MTHFS: variants seen among roughly 807,000 people sequenced by gnomAD.
MTHFS encodes methenyltetrahydrofolate synthetase.
In MTHFS, 7 loss-of-function variants were observed where a neutral mutation model predicts 12.7. The ratio of observed to expected loss-of-function variants is 0.55; its 90% CI spans 0.31 to 1.03. The LOEUF (loss-of-function observed/expected upper bound fraction) is 1.03. Ranked by LOEUF, MTHFS falls within the 50% of genes least tolerant of loss-of-function variation. The pLI is 0.05. For synonymous variants in MTHFS, 100 were observed against 97.1 expected, an observed-to-expected ratio of 1.03 and a Z score of -0.18; for missense variants, 252 against 258.1, an observed-to-expected ratio of 0.98 and a Z score of 0.16.
intron 1 of MTHFS, among the ~76,000 whole-genome samples, chr15:79,890,710 A>C (rs2034459658): frequency 6.6e-6 from 1 of 152,254 alleles, no homozygotes; most frequent in African/African-American, 2.4e-5. Context: ...AAGTCAGGTT[A>C]TCACTAATAA....
chr15:79,861,057 T>C (rs1290465363), intron 2 of MTHFS, among the ~76,000 whole-genome samples: 1 of 152,228 alleles, frequency 6.6e-6, no homozygotes, highest in East Asian at 1.9e-4. Flanking sequence ...GGAATAGTCA[T>C]CGTCGTCATC....
intron 2 of MTHFS, among the ~76,000 whole-genome samples, chr15:79,859,572 C>T (rs2033872220): frequency 1.3e-5 from 2 of 152,210 alleles, no homozygotes; most frequent in Admixed American, 1.3e-4. Flanking sequence ...AACCCCAGCA[C>T]TTTGGGAGGC....
intron 2 of MTHFS, among the ~76,000 whole-genome samples, chr15:79,872,193 T>C (rs553064429): frequency 1.3e-5 from 2 of 151,988 alleles, no homozygotes; most frequent in African/African-American, 4.8e-5. Context: ...AATCCTGCAG[T>C]TCAATCAAAA....
At chr15:79,847,102 G>C (rs2033632410) in intron 2 of MTHFS, among the ~76,000 whole-genome samples, 1 of 152,222 alleles carries the variant, frequency 6.6e-6, no homozygotes, top group African/African-American at 2.4e-5. Context: ...ACGCTGGGTG[G>C]TCAGGGAAGA....
intron 2 of MTHFS, among the ~76,000 whole-genome samples, chr15:79,850,331 C>CA (rs1215433850): frequency 1.3e-5 from 2 of 151,804 alleles, no homozygotes; most frequent in African/African-American, 2.4e-5. Flanking sequence ...TCAGCAGAGC[C>CA]AAAAAAAGAG....
At chr15:79,881,591 A>T (rs2034295661) in intron 2 of MTHFS, among the ~76,000 whole-genome samples, 2 of 152,034 alleles carry the variant, frequency 1.3e-5, no homozygotes, top group Admixed American at 6.6e-5. Context: ...AAAAAAAAAA[A>T]GCTTAACTTT....
chr15:79,895,017 AC>A lies in MTHFS; in HGVS notation c.117+1854del, dbSNP rs1238938157. On this transcript the variant is annotated intron_variant, in intron 1 of 2. Coordinates refer to ENST00000258874, the MANE Select transcript of MTHFS (RefSeq NM_006441.4). Reference sequence around the variant, plus strand: ...ATACTCTTCCTAAAGGACATAACAAACAATAGGTAAAGCTCTGAATACATCC... The same window carrying A: ...ATACTCTTCCTAAAGGACATAACAAAAATAGGTAAAGCTCTGAATACATCC... Among the ~76,000 whole-genome samples, 3 of 152,180 alleles carry A rather than the reference AC, an allele frequency of 2.0e-5. No homozygotes were observed. The East Asian group carries it at 5.8e-4, about 29-fold the overall frequency.
chr15:79,859,437 T>A (rs1466984722), intron 2 of MTHFS, among the ~76,000 whole-genome samples: 1 of 152,198 alleles, frequency 6.6e-6, no homozygotes, highest in African/African-American at 2.4e-5. Flanking sequence ...CACCCAAACA[T>A]ATATAAGAAT....
At chr15:79,847,906 G>T (rs1381905051) in intron 2 of MTHFS, among the ~76,000 whole-genome samples, 1 of 152,170 alleles carries the variant, frequency 6.6e-6, no homozygotes, top group East Asian at 1.9e-4. Context: ...GCTGGTGGGG[G>T]TGTAAAATAA....
At chr15:79,892,399 C>T (rs1009831604) in intron 1 of MTHFS, among the ~76,000 whole-genome samples, 3 of 152,012 alleles carry the variant, frequency 2.0e-5, no homozygotes, top group South Asian at 2.1e-4. Context: ...AAGATAAACA[C>T]ATATTCTTGA....
At chr15:79,847,681 A>G (rs1172832628) in intron 2 of MTHFS, among the ~76,000 whole-genome samples, 1 of 151,974 alleles carries the variant, frequency 6.6e-6, no homozygotes, top group East Asian at 1.9e-4. Flanking sequence ...AAAAAAAAAA[A>G]AAAAAAAAAG....
intron 2 of MTHFS, among the ~76,000 whole-genome samples, chr15:79,853,871 A>T (rs934861629): frequency 1.3e-5 from 2 of 152,252 alleles, no homozygotes; most frequent in Non-Finnish European, 2.9e-5. Context: ...TCTGTTTACA[A>T]ACCAAGAAAA....
chr15:79,890,257 G>A (rs1485913280), intron 1 of MTHFS, among the ~76,000 whole-genome samples: 4 of 113,874 alleles, frequency 3.5e-5, no homozygotes. Flanking sequence ...TCCCTCTGTT[G>A]CCCAGGCTGG....
chr15:79,896,757 GT>G (rs1460934263), intron 1 of MTHFS, 114 bp downstream of exon 1: 2 of 1,446,732 alleles, frequency 1.4e-6, no homozygotes, highest in Non-Finnish European at 9.1e-7. Context: ...GCGCCGGGGG[GT>G]GGGGGGGCGC....
Position 79,889,120 on chromosome 15 carries a change from C to T in MTHFS, c.352G>A (p.Asp118Asn). The T allele has an allele frequency of 6.2e-7, 1 of 1,614,206 alleles. No individual in the cohort carries two copies. Among genetic ancestry groups the T allele is most frequent in the East Asian group, 2.2e-5 (1 of 44,882 alleles). The change falls in exon 2 of 3, where the codon GAT becomes AAT. Residue 118 changes from aspartate (D) to asparagine (N), a missense_variant. Coordinates refer to ENST00000258874, the MANE Select transcript of MTHFS (RefSeq NM_006441.4). The stretch of plus-strand genomic sequence containing the variant: ...GTGGACAAGGCCTCCTCCCGAACAT[C>T]ACCCTCACCAGGCTGAGGGATATTC... ...SWNIPQPGEG[D>N]VREEALSTGG... is the part of the protein sequence containing the mutation.
intron 2 of MTHFS, among the ~76,000 whole-genome samples, chr15:79,874,083 A>C (rs780491174): frequency 3.3e-5 from 5 of 152,238 alleles, no homozygotes; most frequent in Non-Finnish European, 5.9e-5. Flanking sequence ...GTGGAGCTTC[A>C]TGCATTCCAG....
chr15:79,868,493 G>A (rs957053823), intron 2 of MTHFS, among the ~76,000 whole-genome samples: 2 of 152,160 alleles, frequency 1.3e-5, no homozygotes, highest in Non-Finnish European at 1.5e-5. Context: ...CAACTTAATT[G>A]GGCCAACAGG....
At chr15:79,873,858 T>C (rs970506295) in intron 2 of MTHFS, among the ~76,000 whole-genome samples, 4 of 152,178 alleles carry the variant, frequency 2.6e-5, no homozygotes, top group Non-Finnish European at 5.9e-5. Context: ...TAATCCCAGT[T>C]GGTGTAAGAG....
intron 1 of MTHFS, among the ~76,000 whole-genome samples, chr15:79,889,851 C>A (rs1713927988): frequency 6.6e-6 from 1 of 152,140 alleles, no homozygotes; most frequent in Non-Finnish European, 1.5e-5. Context: ...TTCTGCCGAA[C>A]CCTTACTACA....
Sources: allele counts gnomAD v4.1 joint callset (sites outside exome capture counted in the v4.1 genomes callset), GRCh38; gene constraint gnomAD v4.1.1; transcripts MANE v1.5; gene names NCBI Gene and HGNC (gene_info 2026-07-23, HGNC 2026-07-21).